The following TMPRSS4 variants were observed in gnomAD, a reference collection of about 807,000 sequenced individuals.
TMPRSS4 encodes the protein transmembrane protease serine 4.
In TMPRSS4, 45 loss-of-function variants were observed where a neutral mutation model predicts 56.4. The ratio of observed to expected loss-of-function variants is 0.80; its 90% CI spans 0.63 to 1.02. The LOEUF (loss-of-function observed/expected upper bound fraction) is 1.02, where lower values mean the gene tolerates loss of function less well. TMPRSS4 is among the 50% of genes least tolerant of loss of function. TMPRSS4 has a pLI of 0.00. For missense variants in TMPRSS4, 546 were observed against 556.7 expected (o/e 0.98, Z 0.19); for synonymous variants, 205 against 211.0 (o/e 0.97, Z 0.25).
At chr11:118,109,488 G>A (rs936557668) in intron 7 of TMPRSS4, among the ~76,000 whole-genome samples, 8 of 152,182 alleles carry the variant, frequency 5.3e-5, no homozygotes, top group African/African-American at 1.7e-4. Flanking sequence ...AGAGCTGGCC[G>A]GGGGTCAGAA....
At chr11:118,111,979 C>A (rs1394717912) in intron 8 of TMPRSS4, 79 bp downstream of exon 8, 1 of 1,543,056 alleles carries the variant, frequency 6.5e-7, no homozygotes. Flanking sequence ...TGTCTCCTGG[C>A]ACCGTCCTTC....
chr11:118,106,391 A>G (rs963689564), intron 5 of TMPRSS4: 1 of 151,888 alleles, frequency 6.6e-6, no homozygotes, highest in Non-Finnish European at 1.5e-5. Context: ...AGACTTCTCT[A>G]CTTTCTTTCC....
intron 5 of TMPRSS4, chr11:118,106,442 G>T (rs987592527): frequency 6.6e-6 from 1 of 151,256 alleles, no homozygotes; most frequent in Non-Finnish European, 1.5e-5. Context: ...AGAACCATAG[G>T]CATTTCAAGA....
intron 1 of TMPRSS4, among the ~76,000 whole-genome samples, chr11:118,085,779 C>T (rs12280897): frequency 0.017 from 2,595 of 152,276 alleles, 68 homozygotes; most frequent in African/African-American, 0.057. Context: ...CCCCTCCAGC[C>T]ATTGTCCAGG....
chr11:118,080,563 CCTCCTCTCAGT>C (rs1359633971), intron 1 of TMPRSS4, among the ~76,000 whole-genome samples: 1 of 152,190 alleles, frequency 6.6e-6, no homozygotes, highest in Non-Finnish European at 1.5e-5. Context: ...AGGCCTCTCT[CCTCCTCTCAGT>C]CTTCCCTCAG....
Position 118,119,271 on chromosome 11 carries a change from A to G in TMPRSS4, c.*1358A>G, listed in dbSNP as rs1246975189. On this transcript the variant is annotated 3_prime_UTR_variant, in exon 13 of 13. Coordinates refer to ENST00000437212, the MANE Select transcript of TMPRSS4 (RefSeq NM_019894.4). ...AGGCTGGCAGTGGAGCTAAACCTGG[A>G]CACACTGAAGACAAGGGAGCTGAAC... 1 of 985,276 alleles carries G rather than the reference A, an allele frequency of 1.0e-6. No homozygotes were observed. The highest frequency in any genetic ancestry group is 1.1e-4 in the East Asian group (1 of 8,816). 61.0% of individuals were successfully genotyped at this position (985,276 alleles called of 1,614,324 possible).
chr11:118,101,348 G>A (rs1280935539), intron 3 of TMPRSS4, among the ~76,000 whole-genome samples: 1 of 152,150 alleles, frequency 6.6e-6, no homozygotes, highest in African/African-American at 2.4e-5. Flanking sequence ...CTTAAGACCA[G>A]CCCAGGGTGA....
At chr11:118,117,688 T>C in intron 12 of TMPRSS4, 1 of 985,450 alleles carries the variant, frequency 1.0e-6, no homozygotes, top group Non-Finnish European at 1.2e-6. Context: ...AGCCTTTCTT[T>C]CTCTTTTCTG....
In TMPRSS4 at chr11:118,103,266, T is replaced by C. The variant is rs1471465674; in HGVS notation, c.310+13T>C. The C allele has an allele frequency of 1.2e-6, 2 of 1,608,824 alleles. No individual in the cohort carries two copies. Among genetic ancestry groups the C allele is most frequent in the Middle Eastern group, 1.9e-4 (1 of 5,186 alleles). Reference sequence around the variant, plus strand: ...CCTGCAGTGGCAGGTGAGTGCAGGGTCTGAGGCACAAGAGAAGTGGGCCCA... The same window carrying C: ...CCTGCAGTGGCAGGTGAGTGCAGGGCCTGAGGCACAAGAGAAGTGGGCCCA... On this transcript the variant is annotated intron_variant, in intron 4 of 12. Coordinates refer to ENST00000437212, the MANE Select transcript of TMPRSS4 (RefSeq NM_019894.4).
At chr11:118,111,305 G>A (rs981998626) in intron 7 of TMPRSS4, among the ~76,000 whole-genome samples, 14 of 152,270 alleles carry the variant, frequency 9.2e-5, no homozygotes, top group African/African-American at 2.4e-5. Flanking sequence ...CTTGGAGAAG[G>A]GGGAGTTTTG....
At position 118,114,836 on chromosome 11, in the gene TMPRSS4, C is replaced by G; in HGVS notation, c.918C>G (p.Val306=). The change falls in exon 10 of 13, where the codon GTC becomes GTG. Residue 306 remains valine, a synonymous_variant. Transcript: ENST00000437212. The part of the protein sequence containing the change: ...LQFPLTFSGT[V]RPICLPFFDE... ...CCTCTGTGCTCCTGGCAGGCACAGT[C>G]AGGCCCATCTGTCTGCCCTTCTTTG... 1 of 1,605,684 alleles carries G rather than the reference C, an allele frequency of 6.2e-7. No homozygotes were observed. The highest frequency in any genetic ancestry group is 8.5e-7 in the Non-Finnish European group (1 of 1,176,274).
At position 118,118,848 on chromosome 11, in the gene TMPRSS4, G is replaced by A. The variant is rs1314610865; in HGVS notation, c.*935G>A. 1 of 985,302 alleles carries A rather than the reference G, an allele frequency of 1.0e-6. No homozygotes were observed. 61.0% of individuals were successfully genotyped at this position (985,302 alleles called of 1,614,324 possible). On this transcript the variant is annotated 3_prime_UTR_variant, in exon 13 of 13. Transcript: ENST00000437212. ...TGTCCTAACTTTTTCCGCCTGGAGA[G>A]CCCTCAGTGTGGCTTCTTACATTTA...
chr11:118,116,021 G>A (rs1449652551), intron 11 of TMPRSS4, among the ~76,000 whole-genome samples: 7 of 111,330 alleles, frequency 6.3e-5, no homozygotes, highest in African/African-American at 2.2e-4. Context: ...CCCTCACCCC[G>A]GCCTCATTGG....
intron 3 of TMPRSS4, among the ~76,000 whole-genome samples, chr11:118,101,658 C>T (rs948633257): frequency 6.6e-6 from 1 of 152,082 alleles, no homozygotes; most frequent in Admixed American, 6.5e-5. Flanking sequence ...TTTAATTTTT[C>T]GTATAGACGA....
Position 118,120,781 on chromosome 11 carries a change from G to T in TMPRSS4, c.*2868G>T, listed in dbSNP as rs1947767511. The T allele has an allele frequency of 6.6e-6, 1 of 152,118 alleles. No individual in the cohort carries two copies. The highest frequency in any genetic ancestry group is 2.1e-4 in the South Asian group (1 of 4,826). 9.4% of individuals were successfully genotyped at this position (152,118 alleles called of 1,614,324 possible). A position where few individuals can be genotyped will look rare whatever the true frequency, so the allele number is the denominator to read the frequency against. On this transcript the variant is annotated 3_prime_UTR_variant, in exon 13 of 13. Transcript: ENST00000437212. ...ACATATCCAGAATCCCAGAAAGAGAGAATCAAGACAATGAGAGAGAGACAG... is the reference window on the plus strand; with the variant it reads ...ACATATCCAGAATCCCAGAAAGAGATAATCAAGACAATGAGAGAGAGACAG...
intron 5 of TMPRSS4, chr11:118,106,594 T>G (rs1457273104): frequency 6.6e-6 from 1 of 152,030 alleles, no homozygotes; most frequent in African/African-American, 2.4e-5. Flanking sequence ...AAGTGATTCT[T>G]TCGCCTCAGC....
At chr11:118,092,884 G>A (rs1946057213) in intron 1 of TMPRSS4, among the ~76,000 whole-genome samples, 4 of 152,318 alleles carry the variant, frequency 2.6e-5, no homozygotes. Context: ...GTTCCCATGT[G>A]AGAGCCCAGC....
intron 1 of TMPRSS4, among the ~76,000 whole-genome samples, chr11:118,092,048 C>T (rs1194536407): frequency 1.3e-5 from 2 of 151,756 alleles, no homozygotes; most frequent in East Asian, 3.9e-4. Context: ...GAAAGAGTGG[C>T]TAATTAAAAA....
intron 9 of TMPRSS4, among the ~76,000 whole-genome samples, chr11:118,114,358 C>G (rs1437259518): frequency 6.6e-6 from 1 of 152,156 alleles, no homozygotes; most frequent in African/African-American, 2.4e-5. Flanking sequence ...GGGACATACC[C>G]CACCCCCCAA....
Sources: gnomAD v4.1 joint callset for allele counts (sites outside exome capture counted in the v4.1 genomes callset) on GRCh38, gnomAD v4.1.1 for gene constraint, MANE v1.5 for transcripts, NCBI Gene and HGNC (gene_info 2026-07-23, HGNC 2026-07-21) for gene names.